Variants in ADGRB3 observed in about 807,000 individuals in gnomAD.
ADGRB3 encodes the protein brain-specific angiogenesis inhibitor 3.
ADGRB3 carries 37 observed loss-of-function variants against 193.4 expected under a neutral mutation model. The ratio of observed to expected loss-of-function variants is 0.19; its 90% CI spans 0.15 to 0.25. The LOEUF (loss-of-function observed/expected upper bound fraction) is 0.25, where lower values mean the gene tolerates loss of function less well. Ranked by LOEUF, ADGRB3 falls within the 10% of genes least tolerant of loss-of-function variation. The pLI is 1.00. For synonymous variants in ADGRB3, 690 were observed against 644.2 expected, an observed-to-expected ratio of 1.07 and a Z score of -1.08; for missense variants, 1,637 against 1,852.9, an observed-to-expected ratio of 0.88 and a Z score of 2.14.
At chr6:69,000,171 C>T (rs1400360864) in intron 11 of ADGRB3, among the ~76,000 whole-genome samples, 1 of 151,934 alleles carries the variant, frequency 6.6e-6, no homozygotes, top group African/African-American at 2.4e-5. Context: ...CTTTGTCTAC[C>T]TTATTTCTTA....
Position 69,389,224 on chromosome 6 carries a change from T to C in ADGRB3, c.*333T>C, listed in dbSNP as rs943760222. 5.8e-6 allele frequency: 1 copy of C among 173,734 alleles called. No homozygotes were observed. The highest frequency in any genetic ancestry group is 1.2e-5 in the Non-Finnish European group (1 of 81,094). The allele number at this position is 173,734 out of a possible 1,614,324, so 10.8% of individuals were successfully genotyped here. ...ACTTCACCATGAAGCACAATGTATATATTTATGCAGTTTTTAAAGTTTATA... is the reference window on the plus strand; with the variant it reads ...ACTTCACCATGAAGCACAATGTATACATTTATGCAGTTTTTAAAGTTTATA... On this transcript the variant is annotated 3_prime_UTR_variant, in exon 32 of 32. Transcript: ENST00000370598.
At chr6:69,341,771 G>A (rs148481465) in intron 26 of ADGRB3, among the ~76,000 whole-genome samples, 51 of 152,212 alleles carry the variant, frequency 3.4e-4, no homozygotes, top group Middle Eastern at 3.4e-3. Flanking sequence ...TTCTAAATGA[G>A]TAGACACATA....
At position 69,327,866 on chromosome 6, in the gene ADGRB3, A is replaced by G. The variant is rs1768613263; in HGVS notation, c.3012A>G (p.Thr1004=). The part of the protein sequence containing the change: ...VVATSVGFTR[T]KGYGTDHYCW... ...CCACATCAGTAGGCTTCACCAGAAC[A>G]AAAGGATATGGCACTGATCACTAGT... Residue 1004 remains threonine (T), a synonymous_variant, in exon 22 of 32, where the codon ACA becomes ACG. Transcript: ENST00000370598. 6.2e-7 allele frequency: 1 copy of G among 1,610,164 alleles called. No individual in the cohort carries two copies. Among genetic ancestry groups the G allele is most frequent in the Non-Finnish European group, 8.5e-7 (1 of 1,177,204 alleles).
At chr6:68,842,757 G>T (rs1038383015) in intron 3 of ADGRB3, among the ~76,000 whole-genome samples, 8 of 151,888 alleles carry the variant, frequency 5.3e-5, no homozygotes, top group South Asian at 2.1e-4. Context: ...CAACATTAAT[G>T]TCAAAATCCT....
At chr6:69,018,885 C>T (rs1209465263) in intron 13 of ADGRB3, among the ~76,000 whole-genome samples, 1 of 151,922 alleles carries the variant, frequency 6.6e-6, no homozygotes, top group Middle Eastern at 3.2e-3. Flanking sequence ...TCTTTATGAT[C>T]TTCCGTACAT....
intron 20 of ADGRB3, among the ~76,000 whole-genome samples, chr6:69,299,873 G>A (rs1767912398): frequency 6.6e-6 from 1 of 151,560 alleles, no homozygotes. Context: ...TGAGTCTTTT[G>A]TGATTCCATT....
intron 3 of ADGRB3, among the ~76,000 whole-genome samples, chr6:68,850,178 A>T (rs1477112392): frequency 6.6e-6 from 1 of 151,612 alleles, no homozygotes; most frequent in Admixed American, 6.6e-5. Flanking sequence ...AGTGTGCCTC[A>T]CCATTTCATT....
intron 24 of ADGRB3, among the ~76,000 whole-genome samples, chr6:69,337,082 C>T (rs1194453650): frequency 6.6e-6 from 1 of 152,134 alleles, no homozygotes; most frequent in Non-Finnish European, 1.5e-5. Context: ...TATTTTCAGA[C>T]AGGCCCATAC....
chr6:69,186,592 T>C (rs1474801311), intron 17 of ADGRB3, among the ~76,000 whole-genome samples: 1 of 151,928 alleles, frequency 6.6e-6, no homozygotes, highest in African/African-American at 2.4e-5. Context: ...TGGCACATAA[T>C]AAAATCTCAG....
intron 20 of ADGRB3, among the ~76,000 whole-genome samples, chr6:69,242,092 G>A (rs891119937): frequency 2.0e-5 from 3 of 151,758 alleles, no homozygotes; most frequent in African/African-American, 7.3e-5. Flanking sequence ...GACTCTATTT[G>A]TATTTATATA....
At chr6:69,152,025 T>C (rs536446128) in intron 17 of ADGRB3, among the ~76,000 whole-genome samples, 1 of 152,316 alleles carries the variant, frequency 6.6e-6, no homozygotes, top group African/African-American at 2.4e-5. Flanking sequence ...CCTTCTGCCA[T>C]GATTGTAAGT....
chr6:68,830,119 A>G (rs1431066144), intron 3 of ADGRB3, among the ~76,000 whole-genome samples: 12 of 152,282 alleles, frequency 7.9e-5, no homozygotes, highest in African/African-American at 2.9e-4. Context: ...TTATTTTAAG[A>G]AAAGTCTTGA....
chr6:68,638,389 A>G (rs1216798672), intron 2 of ADGRB3, among the ~76,000 whole-genome samples: 5 of 152,214 alleles, frequency 3.3e-5, no homozygotes, highest in African/African-American at 1.2e-4. Context: ...ATCCTAGTAG[A>G]TAAGTTAGGG....
At chr6:68,830,887 A>C (rs1018991154) in intron 3 of ADGRB3, among the ~76,000 whole-genome samples, 1 of 150,674 alleles carries the variant, frequency 6.6e-6, no homozygotes, top group East Asian at 2.0e-4. Context: ...TTTTGGGAAA[A>C]CCCCACCTGC....
intron 26 of ADGRB3, among the ~76,000 whole-genome samples, chr6:69,341,551 G>A (rs577987422): frequency 5.8e-4 from 89 of 152,188 alleles, no homozygotes; most frequent in Non-Finnish European, 1.0e-3. Context: ...GTCTGATGTC[G>A]TTTACTGTTG....
chr6:68,782,226 GT>G (rs1200806152), intron 3 of ADGRB3, among the ~76,000 whole-genome samples: 1 of 148,526 alleles, frequency 6.7e-6, no homozygotes. Flanking sequence ...GTGGTGTTTG[GT>G]TTTTTTGTCC....
At chr6:69,385,291 G>T (rs76164614) in intron 31 of ADGRB3, among the ~76,000 whole-genome samples, 5,619 of 152,050 alleles carry the variant, frequency 0.037, 166 homozygotes, top group Admixed American at 0.097. Context: ...TTGAAAGAAG[G>T]AGGGAAAGAA....
At chr6:69,321,195 T>C (rs1768449228) in intron 20 of ADGRB3, among the ~76,000 whole-genome samples, 1 of 151,782 alleles carries the variant, frequency 6.6e-6, no homozygotes, top group Admixed American at 6.6e-5. Context: ...TTCTATTGTG[T>C]CTAGGAATTT....
intron 3 of ADGRB3, among the ~76,000 whole-genome samples, chr6:68,834,855 G>A (rs370784844): frequency 2.6e-5 from 4 of 152,026 alleles, no homozygotes; most frequent in Non-Finnish European, 5.9e-5. Flanking sequence ...TCAAGATTTC[G>A]CTTTGAAGAA....
Sources: gnomAD v4.1 joint callset for allele counts (sites outside exome capture counted in the v4.1 genomes callset) on GRCh38, gnomAD v4.1.1 for gene constraint, MANE v1.5 for transcripts, NCBI Gene and HGNC (gene_info 2026-07-23, HGNC 2026-07-21) for gene names.